The following SEC24B variants were observed in gnomAD, a reference collection of about 807,000 sequenced individuals.
SEC24B encodes the protein protein transport protein Sec24B.
In SEC24B, 45 loss-of-function variants were observed where a neutral mutation model predicts 142.8. That is an observed-to-expected ratio of 0.32 (90% CI 0.25 to 0.40). The LOEUF (loss-of-function observed/expected upper bound fraction) is 0.40. Ranked by LOEUF, SEC24B falls within the 10% of genes least tolerant of loss-of-function variation. SEC24B has a pLI of 1.00. For synonymous variants in SEC24B, 574 were observed against 568.2 expected, an observed-to-expected ratio of 1.01 and a Z score of -0.15; for missense variants, 1,409 against 1,526.8, an observed-to-expected ratio of 0.92 and a Z score of 1.29.
At chr4:109,467,325 CAAA>C (rs70949083) in intron 2 of SEC24B, among the ~76,000 whole-genome samples, 1,718 of 59,756 alleles carry the variant, frequency 0.029, 12 homozygotes, top group African/African-American at 0.076. Flanking sequence ...GACTCCGTCT[CAAA>C]AAAAAAAAAA....
intron 9 of SEC24B, among the ~76,000 whole-genome samples, chr4:109,513,537 C>T (rs563575867): frequency 8.0e-4 from 122 of 152,254 alleles, no homozygotes; most frequent in Non-Finnish European, 1.3e-3. Flanking sequence ...CCGCCGCGGC[C>T]GCCCAAAGTG....
intron 2 of SEC24B, among the ~76,000 whole-genome samples, chr4:109,464,893 C>T (rs1280183744): frequency 6.6e-6 from 1 of 152,196 alleles, no homozygotes; most frequent in East Asian, 1.9e-4. Context: ...GTATTTTCCT[C>T]ACATCACAAG....
At chr4:109,454,836 A>G (rs536708260) in intron 1 of SEC24B, among the ~76,000 whole-genome samples, 2 of 152,368 alleles carry the variant, frequency 1.3e-5, no homozygotes, top group East Asian at 1.9e-4. Flanking sequence ...GTTTGAATGT[A>G]GGTCATAAGA....
At chr4:109,503,202 G>A (rs913223052) in intron 6 of SEC24B, among the ~76,000 whole-genome samples, 3 of 151,496 alleles carry the variant, frequency 2.0e-5, no homozygotes, top group African/African-American at 7.3e-5. Context: ...TGGGACTACA[G>A]GCATGTGCCA....
At chr4:109,525,314 A>T in intron 15 of SEC24B, 32 bp from the exon 16 acceptor site, 1 of 1,518,460 alleles carries the variant, frequency 6.6e-7, no homozygotes, top group Non-Finnish European at 8.8e-7. Flanking sequence ...TATTATTTCT[A>T]TAGCTAATAC....
chr4:109,514,807 A>T (rs899338239), intron 10 of SEC24B, among the ~76,000 whole-genome samples: 15 of 152,242 alleles, frequency 9.9e-5, no homozygotes, highest in Admixed American at 9.8e-4. Context: ...AGCGATGTGC[A>T]TTAAATTTTT....
Position 109,433,989 on chromosome 4 carries a change from G to A in SEC24B, c.120G>A (p.Pro40=), listed in dbSNP as rs1461291047. Residue 40 remains proline, a synonymous_variant, in exon 1 of 24, where the codon CCG becomes CCA. Coordinates refer to ENST00000265175, the MANE Select transcript of SEC24B (RefSeq NM_006323.5). ...CGGGCCCGGGTGCGGGCCCGGCGCCGCACCAGCAGAACGGTGAGGCGGGCG... is the reference window on the plus strand; with the variant it reads ...CGGGCCCGGGTGCGGGCCCGGCGCCACACCAGCAGAACGGTGAGGCGGGCG... The part of the protein sequence containing the change: ...APAGPGAGPA[P]HQQNGPAQNQ... The A allele has an allele frequency of 5.9e-6, 7 of 1,190,144 alleles. No homozygotes were observed. Among genetic ancestry groups the A allele is most frequent in the Admixed American group, 4.6e-5 (1 of 21,812 alleles). The allele number at this position is 1,190,144 out of a possible 1,614,324, so 73.7% of individuals were successfully genotyped here.
chr4:109,510,269 T>C (rs553950716), intron 8 of SEC24B, among the ~76,000 whole-genome samples, 158 bp downstream of exon 8: 5 of 152,350 alleles, frequency 3.3e-5, no homozygotes, highest in Middle Eastern at 3.4e-3. Flanking sequence ...TTTGAACACC[T>C]GCTTTGTGAC....
intron 4 of SEC24B, among the ~76,000 whole-genome samples, chr4:109,482,979 T>TATACACAC (rs781527364): frequency 2.7e-4 from 7 of 26,410 alleles, no homozygotes; most frequent in East Asian, 1.1e-3. Flanking sequence ...TATATATATA[T>TATACACAC]ACACACACAC....
intron 4 of SEC24B, among the ~76,000 whole-genome samples, chr4:109,483,828 C>CA (rs1314533590): frequency 6.6e-5 from 10 of 152,136 alleles, no homozygotes; most frequent in African/African-American, 2.2e-4. Context: ...ATTTCAAACT[C>CA]ACAGAAGTTA....
intron 1 of SEC24B, among the ~76,000 whole-genome samples, chr4:109,440,116 G>A (rs1476833585): frequency 6.8e-6 from 1 of 147,996 alleles, no homozygotes; most frequent in Non-Finnish European, 1.5e-5. Context: ...GCGAGACTTC[G>A]TCGCAAAAAA....
intron 3 of SEC24B, among the ~76,000 whole-genome samples, chr4:109,478,728 G>A (rs1044559693): frequency 1.8e-4 from 28 of 152,180 alleles, no homozygotes; most frequent in Non-Finnish European, 4.0e-4. Flanking sequence ...CATTACAGCA[G>A]TGTGTCATAG....
intron 10 of SEC24B, among the ~76,000 whole-genome samples, chr4:109,515,796 T>C (rs886508629): frequency 6.6e-5 from 10 of 152,110 alleles, no homozygotes; most frequent in African/African-American, 2.2e-4. Context: ...TCCTAGCACT[T>C]TGGGAGGCTG....
intron 18 of SEC24B, among the ~76,000 whole-genome samples, chr4:109,528,980 A>G (rs36009064): frequency 0.17 from 26,583 of 152,140 alleles, 2,619 homozygotes; most frequent in African/African-American, 0.27. Context: ...CTGGTCAATG[A>G]AGTGAGACCC....
At chr4:109,489,707 TTTTG>T (rs1463033892) in intron 4 of SEC24B, among the ~76,000 whole-genome samples, 2 of 147,770 alleles carry the variant, frequency 1.4e-5, no homozygotes, top group Admixed American at 6.8e-5. Flanking sequence ...ATATGGTCTT[TTTTG>T]TTTGATTTAT....
chr4:109,533,020 G>A, intron 21 of SEC24B, among the ~76,000 whole-genome samples: 1 of 152,176 alleles, frequency 6.6e-6, no homozygotes, highest in East Asian at 1.9e-4. Flanking sequence ...TATACTTGAT[G>A]AAGAGAACTA....
Position 109,494,719 on chromosome 4 carries a change from C to T in SEC24B, c.1351C>T (p.Gln451Ter). 1 of 1,614,212 alleles carries T rather than the reference C, an allele frequency of 6.2e-7. No individual in the cohort carries two copies. The highest frequency in any genetic ancestry group is 8.5e-7 in the Non-Finnish European group (1 of 1,180,030). ...TTCAGCTCCAGCTCCTGTCGTCCCT[C>T]AGCCTTCAAAAATGGCTAAGCCTTT... ...PASAPAPVVPQPSKMAKPFGY... is the reference protein window; with the variant it reads ...PASAPAPVVP The change falls in exon 6 of 24, where the codon CAG (glutamine) becomes TAG (stop). Residue 451 changes from glutamine (Q) to a stop codon, truncating the protein, a stop_gained. Coordinates refer to ENST00000265175, the MANE Select transcript of SEC24B (RefSeq NM_006323.5). LOFTEE classifies it high-confidence loss of function.
At chr4:109,477,398 G>A (rs553723674) in intron 3 of SEC24B, among the ~76,000 whole-genome samples, 3 of 151,818 alleles carry the variant, frequency 2.0e-5, no homozygotes, top group Non-Finnish European at 4.4e-5. Flanking sequence ...CTGCAGCCTC[G>A]ACCCTTGAGA....
chr4:109,511,847 C>T lies in SEC24B; in HGVS notation c.1777-110C>T, dbSNP rs1416947688. ...TTATTAATATGCTTCCATATAAAAC[C>T]ACATAAAAACAATTAAGGTTTATGT... On this transcript the variant is annotated intron_variant, in intron 8 of 23. Coordinates refer to ENST00000265175, the MANE Select transcript of SEC24B (RefSeq NM_006323.5). The T allele has an allele frequency of 3.7e-6, 4 of 1,092,726 alleles. No individual in the cohort carries two copies. The African/African-American group carries it at 6.3e-5, about 17-fold the overall frequency. The allele number at this position is 1,092,726 out of a possible 1,614,324, so 67.7% of individuals were successfully genotyped here. A position where few individuals can be genotyped will look rare whatever the true frequency, so the allele number is the denominator to read the frequency against.
Sources: allele counts gnomAD v4.1 joint callset (sites outside exome capture counted in the v4.1 genomes callset), GRCh38; gene constraint gnomAD v4.1.1; transcripts MANE v1.5; gene names NCBI Gene and HGNC (gene_info 2026-07-23, HGNC 2026-07-21).